CAMTA1: variants seen among roughly 807,000 people sequenced by gnomAD.
CAMTA1 encodes calmodulin binding transcription activator 1.
Under a neutral mutation model 170.9 loss-of-function variants are expected in CAMTA1, and 27 were observed. The ratio of observed to expected loss-of-function variants is 0.16; its 90% CI spans 0.12 to 0.22. The LOEUF (loss-of-function observed/expected upper bound fraction) is 0.22, where lower values mean the gene tolerates loss of function less well. Ranked by LOEUF, CAMTA1 falls within the 10% of genes least tolerant of loss-of-function variation. The pLI is 1.00. For missense variants in CAMTA1, 1,619 were observed against 2,217.2 expected (o/e 0.73, Z 5.42); for synonymous variants, 833 against 891.5 (o/e 0.93, Z 1.17).
chr1:7,310,647 T>TCTTTTCTTTCTTTCTTTC (rs61161982), intron 5 of CAMTA1, among the ~76,000 whole-genome samples: 2 of 49,148 alleles, frequency 4.1e-5, no homozygotes, highest in African/African-American at 1.6e-4. Context: ...TTTCTTTCTT[T>TCTTTTCTTTCTTTCTTTC]TTTCTTTCTT....
chr1:7,467,428 T>C (rs1416497413), intron 5 of CAMTA1, among the ~76,000 whole-genome samples: 2 of 152,230 alleles, frequency 1.3e-5, no homozygotes, highest in Non-Finnish European at 2.9e-5. Flanking sequence ...TAATGAATTC[T>C]GTAACCATCA....
intron 5 of CAMTA1, among the ~76,000 whole-genome samples, chr1:7,371,284 G>C (rs1334576440): frequency 1.4e-5 from 2 of 147,910 alleles, no homozygotes; most frequent in African/African-American, 5.0e-5. Context: ...TCGAGATGGA[G>C]TCCTGCTTTG....
chr1:7,179,643 C>T (rs1651692502), intron 4 of CAMTA1, among the ~76,000 whole-genome samples: 1 of 152,232 alleles, frequency 6.6e-6, no homozygotes. Flanking sequence ...AACCTATTAA[C>T]TCTTGGATGA....
intron 5 of CAMTA1, among the ~76,000 whole-genome samples, chr1:7,442,070 A>G (rs897926114): frequency 2.0e-5 from 3 of 152,058 alleles, no homozygotes; most frequent in Admixed American, 1.3e-4. Context: ...TGAAACCTCC[A>G]TGGGGTTTCC....
rs780436328 is a variant in CAMTA1, at chr1:6,965,447, A to G, written c.235-125857A>G. 1.6e-4 allele frequency among the ~76,000 whole-genome samples: 24 copies of G among 152,138 alleles called. No individual in the cohort carries two copies. Among genetic ancestry groups the G allele is most frequent in the Non-Finnish European group, 3.4e-4 (23 of 68,040 alleles). ...GCAACCAGCAGACCAAAGGTAATGCATTTCAGCTGCCTGTGGGGGAAGGTA... is the reference window on the plus strand; with the variant it reads ...GCAACCAGCAGACCAAAGGTAATGCGTTTCAGCTGCCTGTGGGGGAAGGTA... On this transcript the variant is annotated intron_variant, in intron 3 of 22. Transcript: ENST00000303635. The surrounding 1 kb of genome is among the most constrained non-coding windows in gnomAD (Gnocchi z 4.1).
intron 5 of CAMTA1, among the ~76,000 whole-genome samples, chr1:7,428,230 T>C (rs2091965559): frequency 6.6e-6 from 1 of 152,064 alleles, no homozygotes; most frequent in East Asian, 1.9e-4. Flanking sequence ...AAGTTGTCTC[T>C]TGCACACTGG....
chr1:7,701,989 C>A (rs902341114), intron 11 of CAMTA1, among the ~76,000 whole-genome samples: 2 of 152,292 alleles, frequency 1.3e-5, no homozygotes, highest in South Asian at 2.1e-4. Flanking sequence ...CAGGAGCACC[C>A]AGCTCATCCC....
chr1:7,518,309 C>T (rs1310333568), intron 6 of CAMTA1, among the ~76,000 whole-genome samples: 1 of 151,946 alleles, frequency 6.6e-6, no homozygotes, highest in Non-Finnish European at 1.5e-5. Context: ...GCTGAGCTGC[C>T]CTATGGCTTC....
At position 7,171,434 on chromosome 1, in the gene CAMTA1, T is replaced by G. The variant is rs137865294; in HGVS notation, c.303-78057T>G. On this transcript the variant is annotated intron_variant, in intron 4 of 22. Coordinates refer to ENST00000303635, the MANE Select transcript of CAMTA1 (RefSeq NM_015215.4). ...CCAGCCCTGCTCAAATGTTACCTCC[T>G]ATTACGATTATTTGTTTCCACTTCT... 3.1e-3 allele frequency among the ~76,000 whole-genome samples: 478 copies of G among 152,276 alleles called. 2 individuals carry two copies. The highest frequency in any genetic ancestry group is 0.011 in the African/African-American group (460 of 41,558).
chr1:6,789,942 T>G (rs1640572804), intron 1 of CAMTA1, among the ~76,000 whole-genome samples: 1 of 151,616 alleles, frequency 6.6e-6, no homozygotes, highest in South Asian at 2.1e-4. Flanking sequence ...CCCAAGTAGC[T>G]GGGATTACAG....
rs562667202 is a variant in CAMTA1, at chr1:6,840,713, T to A, written c.234+15503T>A. On this transcript the variant is annotated intron_variant, in intron 3 of 22. Coordinates refer to ENST00000303635, the MANE Select transcript of CAMTA1 (RefSeq NM_015215.4). Reference sequence around the variant, plus strand: ...ATTTAAAGCCATAGACTAGGTGAGATCACCTGGGATGCAGAAGATAGATGG... The same window carrying A: ...ATTTAAAGCCATAGACTAGGTGAGAACACCTGGGATGCAGAAGATAGATGG... Among the ~76,000 whole-genome samples, 10 of 152,050 alleles carry A rather than the reference T, an allele frequency of 6.6e-5. No homozygotes were observed. In the East Asian group the frequency reaches 1.9e-3, roughly 29 times the overall value.
chr1:7,726,995 CT>C (rs1162720431), intron 11 of CAMTA1, among the ~76,000 whole-genome samples: 1 of 152,210 alleles, frequency 6.6e-6, no homozygotes, highest in East Asian at 1.9e-4. Context: ...AGGACATCCA[CT>C]TGGAAGCCCT....
chr1:7,117,115 C>T (rs1327116895), intron 4 of CAMTA1, among the ~76,000 whole-genome samples: 3 of 151,812 alleles, frequency 2.0e-5, no homozygotes, highest in South Asian at 2.1e-4. Flanking sequence ...GGATTACAGG[C>T]GCCCGCCACC....
At chr1:7,636,767 A>G (rs1338408641) in intron 6 of CAMTA1, among the ~76,000 whole-genome samples, 1 of 152,082 alleles carries the variant, frequency 6.6e-6, no homozygotes, top group African/African-American at 2.4e-5. Context: ...CTGAAGCCAG[A>G]TGTCAGGAGA....
intron 4 of CAMTA1, among the ~76,000 whole-genome samples, chr1:7,161,499 C>T (rs888125987): frequency 2.0e-5 from 3 of 152,240 alleles, no homozygotes; most frequent in Middle Eastern, 3.4e-3. Context: ...ATTATGGGTA[C>T]GGGTCTTTCC....
At chr1:6,937,816 TCACTACCATAAC>T (rs1232832762) in intron 3 of CAMTA1, among the ~76,000 whole-genome samples, 4 of 150,468 alleles carry the variant, frequency 2.7e-5, no homozygotes, top group African/African-American at 4.9e-5. Flanking sequence ...ATCACTGTCA[TCACTACCATAAC>T]CATCACTGTC....
chr1:7,396,087 C>A (rs888873511), intron 5 of CAMTA1, among the ~76,000 whole-genome samples: 8 of 152,096 alleles, frequency 5.3e-5, no homozygotes, highest in Non-Finnish European at 1.2e-4. Flanking sequence ...GGAGATGGGA[C>A]CTAATGGGAG....
chr1:6,805,113 A>G (rs1462872659), intron 1 of CAMTA1, among the ~76,000 whole-genome samples: 1 of 152,352 alleles, frequency 6.6e-6, no homozygotes, highest in South Asian at 2.1e-4. Flanking sequence ...AAACTTTTCC[A>G]AAGTGGTTAG....
intron 4 of CAMTA1, among the ~76,000 whole-genome samples, chr1:7,129,857 G>A (rs753501236): frequency 2.0e-5 from 3 of 151,828 alleles, no homozygotes; most frequent in South Asian, 2.1e-4. Flanking sequence ...ATTAGTATGC[G>A]TTTTCTAGCA....
Sources: gnomAD v4.1 joint callset for allele counts (sites outside exome capture counted in the v4.1 genomes callset) on GRCh38, gnomAD v4.1.1 for gene constraint, Gnocchi (gnomAD v3.1) non-coding constraint, MANE v1.5 for transcripts, NCBI Gene and HGNC (gene_info 2026-07-23, HGNC 2026-07-21) for gene names.